ZNF292: variants seen among roughly 807,000 people sequenced by gnomAD.
ZNF292 encodes the protein zinc finger protein 292, also known as 16 zinc-finger domain protein.
In ZNF292, 26 loss-of-function variants were observed where a neutral mutation model predicts 217.9. That is an observed-to-expected ratio of 0.12 (90% confidence interval 0.09 to 0.17). ZNF292 has a LOEUF of 0.17. ZNF292 is among the 10% of genes least tolerant of loss of function. ZNF292 has a pLI of 1.00. For synonymous variants in ZNF292, 1,257 were observed against 1,124.1 expected, an observed-to-expected ratio of 1.12 and a Z score of -2.37; for missense variants, 2,904 against 3,175.2, an observed-to-expected ratio of 0.91 and a Z score of 2.05.
At chr6:87,242,326 A>AT (rs966351371) in intron 5 of ZNF292, among the ~76,000 whole-genome samples, 49 of 151,632 alleles carry the variant, frequency 3.2e-4, no homozygotes, top group African/African-American at 6.3e-4. Context: ...TGAACACACG[A>AT]TTTTTTTTTC....
intron 1 of ZNF292, among the ~76,000 whole-genome samples, chr6:87,175,536 A>C (rs1771258429): frequency 6.6e-6 from 1 of 152,100 alleles, no homozygotes. Flanking sequence ...ACAGTGTCTC[A>C]CTATGTTGCC....
In ZNF292 at chr6:87,257,734, A is replaced by G. The variant is rs768988515; in HGVS notation, c.4105A>G (p.Ile1369Val). The G allele has an allele frequency of 6.8e-6, 11 of 1,613,558 alleles. No individual in the cohort carries two copies. The highest frequency in any genetic ancestry group is 1.3e-5 in the African/African-American group (1 of 74,932). ...KHNKRAKWPA[I>V]IRDGKFICSR... ...CAACAAAAGGGCTAAATGGCCTGCA[A>G]TTATCAGAGATGGGAAATTTATCTG... Residue 1369 changes from isoleucine to valine, a missense_variant, in exon 8 of 8, where the codon ATT (isoleucine) becomes GTT (valine). By Grantham distance (29) the Ile-to-Val change is conservative. Transcript: ENST00000369577.
At chr6:87,233,246 A>G (rs992598265) in intron 4 of ZNF292, 79 bp from the exon 5 acceptor site, 5 of 1,064,398 alleles carry the variant, frequency 4.7e-6, no homozygotes, top group Non-Finnish European at 6.6e-6. Context: ...CCGTGTTTAA[A>G]AATATTTCTT....
chr6:87,224,643 A>C (rs1220049319), intron 4 of ZNF292, among the ~76,000 whole-genome samples: 1 of 152,202 alleles, frequency 6.6e-6, no homozygotes, highest in Non-Finnish European at 1.5e-5. Flanking sequence ...TGTCTGTTAA[A>C]CCAATGAGCT....
chr6:87,197,841 G>A (rs1347759157), intron 1 of ZNF292, among the ~76,000 whole-genome samples: 1 of 151,874 alleles, frequency 6.6e-6, no homozygotes, highest in African/African-American at 2.4e-5. Flanking sequence ...TCAACAGTAG[G>A]TGTTTTCAGT....
chr6:87,205,482 A>T (rs929732807), intron 1 of ZNF292, among the ~76,000 whole-genome samples: 1 of 151,898 alleles, frequency 6.6e-6, no homozygotes. Flanking sequence ...TCTTTGTGAG[A>T]CCATTTTAAA....
rs1775176320 is a variant in ZNF292 at position 87,255,744 on chromosome 6, T to C, written c.2115T>C (p.His705=). ...ATTTAATTGCTCATGTGAAGGGGCA[T>C]AAAGATAATGAAGACGCCAAGCGCT... ...FKNLIAHVKG[H]KDNEDAKRFL... The change falls in exon 8 of 8, where the codon CAT becomes CAC. Residue 705 remains histidine, a synonymous_variant. Transcript: ENST00000369577. 1 of 1,613,782 alleles carries C rather than the reference T, an allele frequency of 6.2e-7. No individual in the cohort carries two copies. Among genetic ancestry groups the C allele is most frequent in the Non-Finnish European group, 8.5e-7 (1 of 1,179,820 alleles).
intron 1 of ZNF292, among the ~76,000 whole-genome samples, chr6:87,157,238 C>T (rs1335070882): frequency 2.0e-5 from 3 of 152,164 alleles, no homozygotes; most frequent in African/African-American, 4.8e-5. Flanking sequence ...AATGTGAAAG[C>T]TCCCTACTTA....
Position 87,256,477 on chromosome 6 carries a change from A to T in ZNF292, c.2848A>T (p.Asn950Tyr). The change falls in exon 8 of 8, where the codon AAC becomes TAC. Residue 950 changes from asparagine to tyrosine, a missense_variant. Transcript: ENST00000369577. ...KVSLNQGIEDNFGKQENSTVE... is the reference protein window; with the variant it reads ...KVSLNQGIEDYFGKQENSTVE... ...GTCTCTCAATCAGGGGATTGAGGAT[A>T]ACTTTGGAAAGCAAGAAAACTCAAC... The T allele has an allele frequency of 6.2e-7, 1 of 1,610,226 alleles. No individual in the cohort carries two copies.
At chr6:87,212,170 A>T (rs1772517171) in intron 1 of ZNF292, among the ~76,000 whole-genome samples, 1 of 152,200 alleles carries the variant, frequency 6.6e-6, no homozygotes, top group Non-Finnish European at 1.5e-5. Context: ...ACAAATGAAC[A>T]GCCAGATGAA....
At chr6:87,193,115 G>A (rs1393007487) in intron 1 of ZNF292, among the ~76,000 whole-genome samples, 1 of 152,156 alleles carries the variant, frequency 6.6e-6, no homozygotes, top group African/African-American at 2.4e-5. Context: ...TAGCCTCCAA[G>A]TATCTGGGAT....
intron 1 of ZNF292, among the ~76,000 whole-genome samples, chr6:87,173,077 A>T (rs528581528): frequency 3.0e-4 from 46 of 152,280 alleles, no homozygotes; most frequent in African/African-American, 1.1e-3. Flanking sequence ...TATGTAGTAT[A>T]AAACCTGGAA....
chr6:87,216,121 AC>A, intron 2 of ZNF292, 64 bp downstream of exon 2: 2 of 233,630 alleles, frequency 8.6e-6, no homozygotes, highest in South Asian at 1.1e-4. Context: ...ACACACACAC[AC>A]ACACACACAC....
At chr6:87,169,602 T>C (rs1450549496) in intron 1 of ZNF292, 1 of 350,684 alleles carries the variant, frequency 2.9e-6, no homozygotes, top group Non-Finnish European at 5.9e-6. Flanking sequence ...TAAATAGGAA[T>C]GATTATGCTA....
chr6:87,156,325 G>T (rs1292044689), intron 1 of ZNF292, among the ~76,000 whole-genome samples: 1 of 152,198 alleles, frequency 6.6e-6, no homozygotes, highest in Non-Finnish European at 1.5e-5. Flanking sequence ...CGGAGGAGCA[G>T]TCCCCGCCGA....
In ZNF292 at chr6:87,257,633, C is replaced by G; in HGVS notation, c.4004C>G (p.Ala1335Gly). 1 of 1,608,638 alleles carries G rather than the reference C, an allele frequency of 6.2e-7. No homozygotes were observed. Among genetic ancestry groups the G allele is most frequent in the Non-Finnish European group, 8.5e-7 (1 of 1,177,180 alleles). ...GCAAATAACTTCAGTAGCACCAATG[C>G]CCAACAGTCTGCACCTGAAAAAGTT... The part of the protein sequence containing the change: ...NVANNFSSTN[A>G]QQSAPEKVKK... The change falls in exon 8 of 8, where the codon GCC (alanine) becomes GGC (glycine). Residue 1335 changes from alanine (A) to glycine (G), a missense_variant. Coordinates refer to ENST00000369577, the MANE Select transcript of ZNF292 (RefSeq NM_015021.3).
intron 1 of ZNF292, among the ~76,000 whole-genome samples, chr6:87,168,793 A>G (rs1263323297): frequency 1.3e-5 from 2 of 152,042 alleles, no homozygotes; most frequent in Non-Finnish European, 2.9e-5. Flanking sequence ...ATATTTAGAA[A>G]GAGGTAATTA....
intron 4 of ZNF292, among the ~76,000 whole-genome samples, chr6:87,229,127 C>A (rs990215568): frequency 1.1e-4 from 17 of 152,106 alleles, no homozygotes; most frequent in African/African-American, 4.1e-4. Flanking sequence ...AGGTCTTTCG[C>A]CTCCTCCTTG....
At position 87,260,583 on chromosome 6, in the gene ZNF292, C is replaced by A. The variant is rs3812132; in HGVS notation, c.6954C>A (p.Thr2318=). Residue 2318 remains threonine (T), a synonymous_variant, in exon 8 of 8, where the codon ACC becomes ACA. Coordinates refer to ENST00000369577, the MANE Select transcript of ZNF292 (RefSeq NM_015021.3). ...AATCAAAGTCTAAACATCGGGGGAC[C>A]AAGCACAGCAGATGTGGAAAGGAAG... ...QEKSKSKHRG[T]KHSRCGKEGI... The A allele has an allele frequency of 9.9e-6, 16 of 1,612,412 alleles. No individual in the cohort carries two copies. Among genetic ancestry groups the A allele is most frequent in the African/African-American group, 2.7e-5 (2 of 74,734 alleles).
Sources: allele counts gnomAD v4.1 joint callset (sites outside exome capture counted in the v4.1 genomes callset), GRCh38; gene constraint gnomAD v4.1.1; transcripts MANE v1.5; gene names NCBI Gene and HGNC (gene_info 2026-07-23, HGNC 2026-07-21).